SNX29: variants seen among roughly 807,000 people sequenced by gnomAD.
SNX29 encodes sorting nexin 29, also known as sorting nexin-29.
Under a neutral mutation model 102.1 loss-of-function variants are expected in SNX29, and 78 were observed. The observed-to-expected ratio is 0.76, with a 90% CI of 0.64 to 0.92. The LOEUF is 0.92. Among genes scored for constraint, SNX29 ranks in the 40% least tolerant of loss-of-function variants. The probability of loss-of-function intolerance (pLI) is 0.00; values close to 1 mark genes in which losing one functional copy is unlikely to be tolerated. For missense variants in SNX29, 1,280 were observed against 1,061.7 expected (o/e 1.21, Z -2.86); for synonymous variants, 580 against 414.5 (o/e 1.40, Z -4.85).
intron 11 of SNX29, 55 bp downstream of exon 11, chr16:12,078,970 C>A: frequency 6.9e-7 from 1 of 1,457,774 alleles, no homozygotes; most frequent in Non-Finnish European, 9.3e-7. Flanking sequence ...TGGCCCACGT[C>A]TCATGGCGGT....
At chr16:12,551,882 T>G (rs761708377) in intron 20 of SNX29, among the ~76,000 whole-genome samples, 5 of 152,192 alleles carry the variant, frequency 3.3e-5, no homozygotes, top group African/African-American at 4.8e-5. Flanking sequence ...CTAGCCTGTC[T>G]GCTCATCTGT....
intron 15 of SNX29, among the ~76,000 whole-genome samples, chr16:12,302,015 T>G (rs1168420822): frequency 1.3e-5 from 2 of 152,202 alleles, no homozygotes; most frequent in Non-Finnish European, 2.9e-5. Context: ...GATAATTACT[T>G]AGAATCTGGT....
chr16:12,075,248 T>G (rs1165675079), intron 10 of SNX29, among the ~76,000 whole-genome samples: 1 of 152,234 alleles, frequency 6.6e-6, no homozygotes, highest in Admixed American at 6.5e-5. Context: ...CTCTGCTTTT[T>G]AGAGTTTGCA....
chr16:12,135,682 G>C (rs957501994), intron 13 of SNX29: 66 of 1,196,498 alleles, frequency 5.5e-5, no homozygotes, highest in Middle Eastern at 2.3e-4. Context: ...TCCTGAAGCT[G>C]TGTTTCCTCT....
intron 15 of SNX29, among the ~76,000 whole-genome samples, chr16:12,337,873 G>A (rs569345547): frequency 2.6e-5 from 4 of 152,242 alleles, no homozygotes; most frequent in South Asian, 2.1e-4. Context: ...TAAAAGCTCC[G>A]AAGAAGAAAA....
At chr16:12,249,584 A>G (rs1001853727) in intron 14 of SNX29, among the ~76,000 whole-genome samples, 8 of 152,222 alleles carry the variant, frequency 5.3e-5, no homozygotes, top group African/African-American at 1.9e-4. Flanking sequence ...CAGATTGTAG[A>G]ACCAGCCTGC....
At chr16:12,489,876 G>A (rs1382007192) in intron 19 of SNX29, among the ~76,000 whole-genome samples, 3 of 152,058 alleles carry the variant, frequency 2.0e-5, no homozygotes, top group Admixed American at 2.0e-4. Context: ...TGTGATCTTG[G>A]CTCACCGCAA....
chr16:12,225,216 A>G (rs926266087), intron 14 of SNX29, among the ~76,000 whole-genome samples: 3 of 152,196 alleles, frequency 2.0e-5, no homozygotes, highest in Admixed American at 6.5e-5. Context: ...CTCTTAATGT[A>G]TCTACCTTTA....
intron 15 of SNX29, among the ~76,000 whole-genome samples, chr16:12,322,876 T>TAGG (rs1567437249): frequency 8.3e-4 from 31 of 37,282 alleles, no homozygotes; most frequent in Middle Eastern, 0.013. Context: ...ATGCGGTCAC[T>TAGG]GGAGTCACTG....
intron 20 of SNX29, among the ~76,000 whole-genome samples, chr16:12,537,795 CCT>C (rs977576210): frequency 5.3e-5 from 8 of 152,020 alleles, no homozygotes; most frequent in Admixed American, 1.3e-4. Flanking sequence ...TAAAATATCT[CCT>C]ATATCAGAGA....
At chr16:12,230,517 G>C (rs1035746675) in intron 14 of SNX29, among the ~76,000 whole-genome samples, 1 of 152,184 alleles carries the variant, frequency 6.6e-6, no homozygotes, top group African/African-American at 2.4e-5. Flanking sequence ...TGAGTTCATC[G>C]ATCTTGCCTA....
intron 16 of SNX29, among the ~76,000 whole-genome samples, chr16:12,362,657 C>G (rs1447481528): frequency 6.8e-6 from 1 of 147,518 alleles, no homozygotes; most frequent in Non-Finnish European, 1.5e-5. Flanking sequence ...TCCTAGTGTT[C>G]CCTCGCCTGG....
In SNX29 at chr16:12,426,277, C is replaced by G. The variant is rs529740575; in HGVS notation, c.2037+22748C>G. Among the ~76,000 whole-genome samples the G allele has an allele frequency of 3.9e-5, 6 of 152,176 alleles. No homozygotes were observed. The East Asian group carries it at 9.6e-4, about 24-fold the overall frequency. ...GCTGTGGCCTGTGCTCACGCTGTCT[C>G]TATGCCAGGATCCAGGAAGAAGCAA... On this transcript the variant is annotated intron_variant, in intron 18 of 20. Transcript: ENST00000566228.
Position 12,573,480 on chromosome 16 carries a change from A to T in SNX29, c.*4851A>T, listed in dbSNP as rs1225215057. The stretch of plus-strand genomic sequence containing the variant: ...ATTAAGGAGCAGCGCTGCTGGCGGA[A>T]GATTCTAGATTCACTGGTGGTTTAA... On this transcript the variant is annotated 3_prime_UTR_variant, in exon 21 of 21. Transcript: ENST00000566228. 1 of 223,904 alleles carries T rather than the reference A, an allele frequency of 4.5e-6. No homozygotes were observed. The highest frequency in any genetic ancestry group is 8.9e-6 in the Non-Finnish European group (1 of 112,326). The allele number at this position is 223,904 out of a possible 1,614,324, so 13.9% of individuals were successfully genotyped here.
intron 15 of SNX29, among the ~76,000 whole-genome samples, chr16:12,347,097 A>G (rs903393379): frequency 6.0e-4 from 92 of 152,134 alleles, no homozygotes; most frequent in African/African-American, 2.1e-3. Flanking sequence ...TTGCTATCTC[A>G]GTGTTCTGAG....
At position 12,568,977 on chromosome 16, in the gene SNX29, G is replaced by C. The variant is rs1384989895; in HGVS notation, c.*348G>C. Reference sequence around the variant, plus strand: ...GTCAGGCTGGGTGCGCCATGGTTGAGAGGCAAAGGTGATCCCCTATATAGG... The same window carrying C: ...GTCAGGCTGGGTGCGCCATGGTTGACAGGCAAAGGTGATCCCCTATATAGG... On this transcript the variant is annotated 3_prime_UTR_variant, in exon 21 of 21. Transcript: ENST00000566228. The C allele has an allele frequency of 2.9e-6, 1 of 347,134 alleles. No individual in the cohort carries two copies. The highest frequency in any genetic ancestry group is 2.1e-5 in the African/African-American group (1 of 48,452). 21.5% of individuals were successfully genotyped at this position (347,134 alleles called of 1,614,324 possible). A position where few individuals can be genotyped will look rare whatever the true frequency, so the allele number is the denominator to read the frequency against.
chr16:12,545,305 G>A (rs567641660), intron 20 of SNX29, among the ~76,000 whole-genome samples: 50 of 151,904 alleles, frequency 3.3e-4, no homozygotes, highest in Non-Finnish European at 5.2e-4. Context: ...TTTACATCTG[G>A]AAGACTCGCA....
chr16:12,026,080 C>T (rs950436321), intron 3 of SNX29, among the ~76,000 whole-genome samples: 27 of 152,142 alleles, frequency 1.8e-4, no homozygotes, highest in African/African-American at 6.5e-4. Flanking sequence ...CCATGGGTGT[C>T]GGGATGGGTG....
chr16:12,540,206 G>C (rs1207233862), intron 20 of SNX29, among the ~76,000 whole-genome samples: 1 of 152,206 alleles, frequency 6.6e-6, no homozygotes, highest in South Asian at 2.1e-4. Flanking sequence ...CAAGGATTGG[G>C]TCAAGGTTAA....
Sources: allele counts gnomAD v4.1 joint callset (sites outside exome capture counted in the v4.1 genomes callset), GRCh38; gene constraint gnomAD v4.1.1; transcripts MANE v1.5; gene names NCBI Gene and HGNC (gene_info 2026-07-23, HGNC 2026-07-21).